The following GPATCH2L variants were observed in gnomAD, a reference collection of about 807,000 sequenced individuals.
GPATCH2L encodes the protein G patch domain-containing protein 2-like.
In GPATCH2L, 31 loss-of-function variants were observed where a neutral mutation model predicts 57.4. The observed-to-expected ratio is 0.54, with a 90% CI of 0.41 to 0.73. The LOEUF (loss-of-function observed/expected upper bound fraction) is 0.73. GPATCH2L is among the 30% of genes least tolerant of loss of function. The probability of loss-of-function intolerance (pLI) is 0.00; values close to 1 mark genes in which losing one functional copy is unlikely to be tolerated. For synonymous variants in GPATCH2L, 199 were observed against 210.7 expected, an observed-to-expected ratio of 0.94 and a Z score of 0.48; for missense variants, 481 against 599.9, an observed-to-expected ratio of 0.80 and a Z score of 2.07.
At chr14:76,216,800 A>G (rs373795286), downstream of GPATCH2L, among the ~76,000 whole-genome samples, 8 of 152,108 alleles carry the variant, frequency 5.3e-5, no homozygotes, top group East Asian at 1.2e-3. Context: ...ATAAAACACA[A>G]CTCTGAAAGT....
intron 1 of GPATCH2L, among the ~76,000 whole-genome samples, chr14:76,222,970 A>AAG (rs1486713711): frequency 6.6e-6 from 1 of 151,832 alleles, no homozygotes; most frequent in African/African-American, 2.4e-5. Flanking sequence ...AAAAAAAAAA[A>AAG]AGAAAGAAAA....
intron 8 of GPATCH2L, among the ~76,000 whole-genome samples, chr14:76,186,513 T>G (rs950983791): frequency 6.6e-6 from 1 of 152,190 alleles, no homozygotes; most frequent in African/African-American, 2.4e-5. Flanking sequence ...CTTTTATTAG[T>G]CCTGTATCTG....
chr14:76,176,856 T>G (rs1229650857), intron 6 of GPATCH2L, among the ~76,000 whole-genome samples, 166 bp downstream of exon 6: 1 of 152,208 alleles, frequency 6.6e-6, no homozygotes, highest in Non-Finnish European at 1.5e-5. Context: ...CCTGTGGCAG[T>G]GATTTTCTTT....
Position 76,180,839 on chromosome 14 carries a change from T to C in GPATCH2L, c.1183T>C (p.Cys395Arg). 6.2e-7 allele frequency: 1 copy of C among 1,605,604 alleles called. No homozygotes were observed. The highest frequency in any genetic ancestry group is 1.1e-5 in the South Asian group (1 of 90,908). The change falls in exon 8 of 10, where the codon TGC (cysteine) becomes CGC (arginine). Residue 395 changes from cysteine (C) to arginine (R), a missense_variant. Transcript: ENST00000261530. ...ASHRRCSPAH[C>R]SARQANVHWG... ...TCACCGAAGGTGTTCACCAGCACAC[T>C]GCTCTGCCAGGTAATTGTCTTTTAG...
rs1346567946 is a variant in GPATCH2L, at chr14:76,173,618, T to C, written c.977T>C (p.Val326Ala). The stretch of plus-strand genomic sequence containing the variant: ...CTCAGAAAGGGGCGAAGAAGGCTGG[T>C]TGGGAAGGTGATACCTCTCACAGTT... ...RCLRKGRRRL[V>A]GKETSINTLG... The change falls in exon 5 of 10, where the codon GTT becomes GCT. Residue 326 changes from valine (V) to alanine (A), a missense_variant. This residue lies in a region of GPATCH2L where 248 missense variants were observed against 270.5 expected (regional missense o/e 0.92). Transcript: ENST00000261530. 2.5e-6 allele frequency: 4 copies of C among 1,601,834 alleles called. No individual in the cohort carries two copies. The African/African-American group carries it at 4.0e-5, about 16-fold the overall frequency.
At chr14:76,200,653 A>T (rs1040084524) in intron 9 of GPATCH2L, among the ~76,000 whole-genome samples, 2 of 152,200 alleles carry the variant, frequency 1.3e-5, no homozygotes, top group African/African-American at 4.8e-5. Context: ...TCATGTTTGA[A>T]TATGTGCGTT....
At chr14:76,229,118 G>C (rs1055894603) in intron 1 of GPATCH2L, among the ~76,000 whole-genome samples, 12 of 152,178 alleles carry the variant, frequency 7.9e-5, no homozygotes, top group Non-Finnish European at 1.3e-4. Flanking sequence ...CTCTCCATGG[G>C]CATCAAGAAA....
chr14:76,193,673 C>T (rs1463376863), intron 8 of GPATCH2L, among the ~76,000 whole-genome samples: 1 of 152,164 alleles, frequency 6.6e-6, no homozygotes, highest in African/African-American at 2.4e-5. Flanking sequence ...CTCCCTGTGC[C>T]TCTTTCTCTG....
intron 6 of GPATCH2L, among the ~76,000 whole-genome samples, 164 bp downstream of exon 6, chr14:76,176,854 A>C (rs1014809314): frequency 1.3e-5 from 2 of 152,180 alleles, no homozygotes; most frequent in African/African-American, 4.8e-5. Context: ...AACCTGTGGC[A>C]GTGATTTTCT....
intron 9 of GPATCH2L, among the ~76,000 whole-genome samples, chr14:76,196,833 C>T (rs574407101): frequency 6.6e-6 from 1 of 152,104 alleles, no homozygotes; most frequent in African/African-American, 2.4e-5. Flanking sequence ...GGGGAGGGAG[C>T]CCTATCCTCT....
chr14:76,195,492 CTG>C (rs1263566483), intron 8 of GPATCH2L, among the ~76,000 whole-genome samples: 4 of 152,170 alleles, frequency 2.6e-5, no homozygotes, highest in African/African-American at 4.8e-5. Flanking sequence ...ATGCAAATAT[CTG>C]TGTTCATGCA....
chr14:76,184,748 G>A (rs1409105452), intron 8 of GPATCH2L, among the ~76,000 whole-genome samples: 1 of 152,090 alleles, frequency 6.6e-6, no homozygotes, highest in Non-Finnish European at 1.5e-5. Flanking sequence ...TTTCAACCCT[G>A]GCTGCAAGTT....
intron 5 of GPATCH2L, chr14:76,176,284 C>T (rs1050075610): frequency 2.1e-5 from 4 of 189,252 alleles, no homozygotes; most frequent in African/African-American, 9.4e-5. Flanking sequence ...AAATTGGCTA[C>T]TGTTGAATTT....
In GPATCH2L at chr14:76,206,761, A is replaced by G. The variant is rs1302621683; in HGVS notation, c.*4910A>G. 2.6e-5 allele frequency: 4 copies of G among 152,280 alleles called. No homozygotes were observed. The highest frequency in any genetic ancestry group is 6.5e-5 in the Admixed American group (1 of 15,288). 9.4% of individuals were successfully genotyped at this position (152,280 alleles called of 1,614,324 possible). ...CAAGCCCTCCAGGGGTCTTTGGTGCATGCTCAAGTTTGAGAACCATAGGCT... is the reference window on the plus strand; with the variant it reads ...CAAGCCCTCCAGGGGTCTTTGGTGCGTGCTCAAGTTTGAGAACCATAGGCT... On this transcript the variant is annotated 3_prime_UTR_variant, in exon 10 of 10. Transcript: ENST00000261530.
At chr14:76,173,793 A>T (rs1166372155) in intron 5 of GPATCH2L, 168 bp downstream of exon 5, 1 of 538,022 alleles carries the variant, frequency 1.9e-6, no homozygotes, top group Non-Finnish European at 3.4e-6. Context: ...ATGTGAATGG[A>T]TATACAAATA....
rs770819934 is a variant in GPATCH2L at position 76,154,497 on chromosome 14, G to A, written c.134G>A (p.Arg45Gln). 5.6e-6 allele frequency: 9 copies of A among 1,614,176 alleles called. No individual in the cohort carries two copies. In the Admixed American group the frequency reaches 1.0e-4, roughly 18 times the overall value. ...CGGCAGCTTCGGAAACGCCGAGGTCGGAAGCGTCGTTCTGACTTCACTCAC... is the reference window on the plus strand; with the variant it reads ...CGGCAGCTTCGGAAACGCCGAGGTCAGAAGCGTCGTTCTGACTTCACTCAC... Reference protein sequence around the residue: ...QRRQLRKRRGRKRRSDFTHLA... With the variant: ...QRRQLRKRRGQKRRSDFTHLA... The change falls in exon 2 of 10, where the codon CGG (arginine) becomes CAG (glutamine). Residue 45 changes from arginine to glutamine, a missense_variant. By Grantham distance (43) the Arg-to-Gln change is conservative. Coordinates refer to ENST00000261530, the MANE Select transcript of GPATCH2L (RefSeq NM_017926.4). This position sits in a 1 kb window ranked among gnomAD's most constrained non-coding sequence, Gnocchi z 4.4.
At chr14:76,182,727 C>T (rs1160327436) in intron 8 of GPATCH2L, among the ~76,000 whole-genome samples, 2 of 152,082 alleles carry the variant, frequency 1.3e-5, no homozygotes, top group East Asian at 3.9e-4. Context: ...TACTATGAGC[C>T]AGCTCTTTGT....
chr14:76,223,440 A>C (rs889224479), intron 1 of GPATCH2L, among the ~76,000 whole-genome samples: 1 of 151,958 alleles, frequency 6.6e-6, no homozygotes, highest in Non-Finnish European at 1.5e-5. Context: ...CTAAAAACAT[A>C]TCAAAGACCT....
At position 76,195,885 on chromosome 14, in the gene GPATCH2L, A is replaced by C. The variant is rs760870214; in HGVS notation, c.1201A>C (p.Asn401His). 1 of 1,612,542 alleles carries C rather than the reference A, an allele frequency of 6.2e-7. No homozygotes were observed. The highest frequency in any genetic ancestry group is 1.1e-5 in the South Asian group (1 of 91,044). ...TTCTTCTTACATCTGCAGACAGGCA[A>C]ATGTACACTGGGGACCACCATGTTC... Reference protein sequence around the residue: ...SPAHCSARQANVHWGPPCSRD... With the variant: ...SPAHCSARQAHVHWGPPCSRD... The change falls in exon 9 of 10, where the codon AAT (asparagine) becomes CAT (histidine). Residue 401 changes from asparagine (N) to histidine (H), a missense_variant. Physicochemically the swap from Asn to His is moderately conservative, Grantham distance 68. Around this residue, in one of 3 missense-constraint regions of GPATCH2L, gnomAD observed 248 missense variants for 270.5 expected, o/e 0.92. Transcript: ENST00000261530.
Sources: gnomAD v4.1 joint callset for allele counts (sites outside exome capture counted in the v4.1 genomes callset) on GRCh38, gnomAD v4.1.1 for gene constraint, gnomAD v4.1.1 regional missense constraint, Gnocchi (gnomAD v3.1) non-coding constraint, MANE v1.5 for transcripts, NCBI Gene and HGNC (gene_info 2026-07-23, HGNC 2026-07-21) for gene names.